The following LUZP2 variants were observed in gnomAD, a reference collection of about 807,000 sequenced individuals.
LUZP2 encodes the protein leucine zipper protein 2.
Under a neutral mutation model 51.6 loss-of-function variants are expected in LUZP2, and 52 were observed. The observed-to-expected ratio is 1.01, with a 90% CI of 0.81 to 1.27. The LOEUF (loss-of-function observed/expected upper bound fraction) is 1.27. LUZP2 is among the 50% of genes most tolerant of loss of function. The probability of loss-of-function intolerance (pLI) is 0.00; values close to 1 mark genes in which losing one functional copy is unlikely to be tolerated. For missense variants in LUZP2, 436 were observed against 395.4 expected (o/e 1.10, Z -0.87); for synonymous variants, 154 against 137.3 (o/e 1.12, Z -0.85).
intron 10 of LUZP2, among the ~76,000 whole-genome samples, chr11:25,070,568 G>T (rs1210676199): frequency 2.6e-5 from 4 of 151,918 alleles, no homozygotes; most frequent in Admixed American, 6.6e-5. Context: ...ACACCAGTGG[G>T]TGAGAAACAT....
In LUZP2 at chr11:24,711,276, C is replaced by G. The variant is rs191390924; in HGVS notation, c.63-17893C>G. Among the ~76,000 whole-genome samples, 62 of 152,010 alleles carry G rather than the reference C, an allele frequency of 4.1e-4. No individual in the cohort carries two copies. In the East Asian group the frequency reaches 6.7e-3, roughly 16 times the overall value. On this transcript the variant is annotated intron_variant, in intron 1 of 11. Transcript: ENST00000336930. ...CATCCTGGCTAACACGGTGAAACCCCCGTCTCTACTAAAAATACAAAAAAT... is the reference window on the plus strand; with the variant it reads ...CATCCTGGCTAACACGGTGAAACCCGCGTCTCTACTAAAAATACAAAAAAT...
chr11:25,012,000 C>A (rs1244983497), intron 9 of LUZP2, among the ~76,000 whole-genome samples: 5 of 152,044 alleles, frequency 3.3e-5, no homozygotes, highest in African/African-American at 1.2e-4. Context: ...TGTGTATAGA[C>A]ACAAAAGGCA....
At chr11:25,014,282 G>A (rs995351976) in intron 9 of LUZP2, among the ~76,000 whole-genome samples, 1 of 152,202 alleles carries the variant, frequency 6.6e-6, no homozygotes, top group Admixed American at 6.5e-5. Context: ...GGATGGCTGA[G>A]TCAAATGCTA....
At chr11:25,051,881 T>C (rs954353226) in intron 10 of LUZP2, among the ~76,000 whole-genome samples, 10 of 152,208 alleles carry the variant, frequency 6.6e-5, no homozygotes, top group Admixed American at 4.6e-4. Flanking sequence ...TCTACTTTTC[T>C]TATTGAAGCC....
intron 1 of LUZP2, among the ~76,000 whole-genome samples, chr11:24,727,076 A>T (rs376181811): frequency 6.6e-6 from 1 of 152,080 alleles, no homozygotes; most frequent in Non-Finnish European, 1.5e-5. Flanking sequence ...TGTTTTCTTC[A>T]TAACATTATT....
At chr11:24,950,840 T>G (rs1327908499) in intron 7 of LUZP2, among the ~76,000 whole-genome samples, 1 of 151,624 alleles carries the variant, frequency 6.6e-6, no homozygotes, top group Non-Finnish European at 1.5e-5. Context: ...GGAATTAGGT[T>G]AATTATCTTT....
intron 5 of LUZP2, among the ~76,000 whole-genome samples, chr11:24,857,033 C>T (rs1851587284): frequency 6.6e-6 from 1 of 151,802 alleles, no homozygotes; most frequent in Non-Finnish European, 1.5e-5. Flanking sequence ...TAGACCTCAC[C>T]ACTATGCAAT....
intron 10 of LUZP2, among the ~76,000 whole-genome samples, chr11:25,060,960 TG>T (rs1331654320): frequency 6.6e-6 from 1 of 152,184 alleles, no homozygotes; most frequent in East Asian, 1.9e-4. Flanking sequence ...ATCTATTTTT[TG>T]TTGATTTATA....
chr11:24,552,909 CTTTAT>C (rs1221409092), intron 1 of LUZP2, among the ~76,000 whole-genome samples: 1 of 150,848 alleles, frequency 6.6e-6, no homozygotes, highest in African/African-American at 2.4e-5. Context: ...AAAATTAATA[CTTTAT>C]TTTAAATTAT....
In LUZP2 at chr11:24,538,672, A is replaced by T. The variant is rs1035045229; in HGVS notation, c.62+41367A>T. ...TTTATATGTGTGTGTGTGTGTGTAT[A>T]TATATATATAAAACTTTCAAAAAAA... is the stretch of plus-strand genomic sequence containing the variant. On this transcript the variant is annotated intron_variant, in intron 1 of 11. Coordinates refer to ENST00000336930, the MANE Select transcript of LUZP2 (RefSeq NM_001009909.4). Among the ~76,000 whole-genome samples the T allele has an allele frequency of 3.3e-5, 5 of 150,844 alleles. No individual in the cohort carries two copies. In the East Asian group the frequency reaches 9.7e-4, roughly 29 times the overall value.
At chr11:24,967,674 T>C (rs1304885173) in intron 7 of LUZP2, among the ~76,000 whole-genome samples, 1 of 152,040 alleles carries the variant, frequency 6.6e-6, no homozygotes, top group Non-Finnish European at 1.5e-5. Flanking sequence ...TTAATGTGCA[T>C]CCAATTTCAT....
intron 7 of LUZP2, among the ~76,000 whole-genome samples, chr11:24,932,829 G>A (rs1257337699): frequency 6.6e-6 from 1 of 152,152 alleles, no homozygotes; most frequent in Non-Finnish European, 1.5e-5. Flanking sequence ...CTCGGGTTCT[G>A]TCCAGGAAAC....
At chr11:24,996,602 ATTTTATTTTATTTTATTTT>A (rs1201553853) in intron 9 of LUZP2, among the ~76,000 whole-genome samples, 12 of 141,290 alleles carry the variant, frequency 8.5e-5, no homozygotes, top group African/African-American at 2.3e-4. Context: ...ATTTTATTTT[ATTTTATTTTATTTTATTTT>A]ATTTTATTTT....
intron 1 of LUZP2, among the ~76,000 whole-genome samples, chr11:24,682,447 A>G (rs917505247): frequency 3.3e-5 from 5 of 150,812 alleles, no homozygotes; most frequent in African/African-American, 1.2e-4. Flanking sequence ...GTGAGCTGAG[A>G]TCGTGCCACT....
chr11:24,766,812 A>C lies in LUZP2; in HGVS notation c.396+3504A>C, dbSNP rs527297617. 4.6e-5 allele frequency among the ~76,000 whole-genome samples: 7 copies of C among 152,326 alleles called. No individual in the cohort carries two copies. The South Asian group carries it at 1.4e-3, about 32-fold the overall frequency. On this transcript the variant is annotated intron_variant, in intron 5 of 11. Transcript: ENST00000336930. ...AGTCTCACTTTGTTGCCCAGGCTAC[A>C]GGGCAGTGGCGCGATCTCAGCTCAC...
intron 9 of LUZP2, among the ~76,000 whole-genome samples, chr11:25,014,693 T>C: frequency 6.6e-6 from 1 of 152,226 alleles, no homozygotes; most frequent in East Asian, 1.9e-4. Flanking sequence ...TCTCCCATTC[T>C]GTAGGTTACC....
At chr11:24,937,927 A>G (rs541858441) in intron 7 of LUZP2, among the ~76,000 whole-genome samples, 22 of 151,922 alleles carry the variant, frequency 1.4e-4, no homozygotes, top group African/African-American at 4.3e-4. Context: ...AAGAAAGAAA[A>G]AAAAATACGT....
At chr11:24,863,966 T>A (rs1851813603) in intron 5 of LUZP2, among the ~76,000 whole-genome samples, 1 of 148,710 alleles carries the variant, frequency 6.7e-6, no homozygotes, top group African/African-American at 2.5e-5. Flanking sequence ...ATTTTCTGAA[T>A]TTTTAAAGTA....
chr11:24,640,150 G>A (rs1365773375), intron 1 of LUZP2, among the ~76,000 whole-genome samples: 9 of 151,788 alleles, frequency 5.9e-5, no homozygotes, highest in Non-Finnish European at 1.0e-4. Context: ...ACAACTCTGG[G>A]TTGTAAGTGT....
Sources: allele counts gnomAD v4.1 joint callset (sites outside exome capture counted in the v4.1 genomes callset), GRCh38; gene constraint gnomAD v4.1.1; transcripts MANE v1.5; gene names NCBI Gene and HGNC (gene_info 2026-07-23, HGNC 2026-07-21).